TEX15: variants seen among roughly 807,000 people sequenced by gnomAD.
TEX15 encodes testis expressed 15, meiosis and synapsis associated, also known as testis-expressed protein 15.
A neutral mutation model predicts 237.3 loss-of-function variants in TEX15; 171 were observed. The observed-to-expected ratio is 0.72, with a 90% CI of 0.64 to 0.82. The LOEUF is 0.82. Among genes scored for constraint, TEX15 ranks in the 40% least tolerant of loss-of-function variants. TEX15 has a pLI of 0.00. For synonymous variants in TEX15, 1,338 were observed against 1,269.8 expected (o/e 1.05, Z -1.14); for missense variants, 3,750 against 3,646.5 (o/e 1.03, Z -0.73).
At chr8:30,900,488 C>T (rs1432947033) in intron 1 of TEX15, among the ~76,000 whole-genome samples, 2 of 152,170 alleles carry the variant, frequency 1.3e-5, no homozygotes, top group African/African-American at 4.8e-5. Flanking sequence ...TGACTGATGA[C>T]ATTTCTATGT....
intron 1 of TEX15, among the ~76,000 whole-genome samples, chr8:30,907,020 G>T (rs1466072018): frequency 2.6e-5 from 4 of 152,092 alleles, no homozygotes; most frequent in Non-Finnish European, 5.9e-5. Context: ...CCATACAGAT[G>T]TAAAGGTTGT....
In TEX15 at chr8:30,844,832, G is replaced by T. The variant is rs1310207861; in HGVS notation, c.5335C>A (p.His1779Asn). The T allele has an allele frequency of 6.2e-7, 1 of 1,613,470 alleles. No individual in the cohort carries two copies. The highest frequency in any genetic ancestry group is 1.7e-5 in the Admixed American group (1 of 59,992). The change falls in exon 8 of 11, where the codon CAT becomes AAT. Residue 1779 changes from histidine to asparagine, a missense_variant. His to Asn is a moderately conservative substitution (Grantham distance 68). Coordinates refer to ENST00000643185, the MANE Select transcript of TEX15 (RefSeq NM_001350162.2). ...ACATTTGTTTCATTCCCATCTGTAT[G>T]GAGGCAATTACCTGAAGAGCACTGT... ...TEQCSSGNCL[H>N]TDGNETNVTE...
intron 9 of TEX15, among the ~76,000 whole-genome samples, chr8:30,839,068 G>A (rs1021507860): frequency 1.3e-5 from 2 of 151,862 alleles, no homozygotes; most frequent in Non-Finnish European, 2.9e-5. Flanking sequence ...CGCCCGCCTT[G>A]GCCTCCCAAA....
Position 30,846,920 on chromosome 8 carries a change from T to C in TEX15, c.3247A>G (p.Asn1083Asp), listed in dbSNP as rs773204456. The change falls in exon 8 of 11, where the codon AAC becomes GAC. Residue 1083 changes from asparagine (N) to aspartate (D), a missense_variant. Physicochemically the swap from Asn to Asp is conservative, Grantham distance 23. Transcript: ENST00000643185. Reference protein sequence around the residue: ...IFQQDTHSHENMLCEEFVTSY... With the variant: ...IFQQDTHSHEDMLCEEFVTSY... Reference sequence around the variant, plus strand: ...GTCACAAATTCTTCACAAAGCATGTTTTCATGGCTATGTGTATCTTGTTGA... The same window carrying C: ...GTCACAAATTCTTCACAAAGCATGTCTTCATGGCTATGTGTATCTTGTTGA... 1 of 1,613,746 alleles carries C rather than the reference T, an allele frequency of 6.2e-7. No individual in the cohort carries two copies. The highest frequency in any genetic ancestry group is 1.1e-5 in the South Asian group (1 of 91,054).
chr8:30,910,514 G>T (rs568408826), intron 1 of TEX15, among the ~76,000 whole-genome samples: 33 of 151,838 alleles, frequency 2.2e-4, no homozygotes, highest in Non-Finnish European at 3.8e-4. Context: ...ATGTGATCAC[G>T]GTTTCCTGCA....
intron 1 of TEX15, among the ~76,000 whole-genome samples, chr8:30,906,876 T>C (rs182335696): frequency 1.2e-4 from 18 of 152,268 alleles, no homozygotes; most frequent in Admixed American, 3.3e-4. Context: ...TAGCATGGGC[T>C]TGAAAGACAC....
intron 10 of TEX15, among the ~76,000 whole-genome samples, chr8:30,836,555 G>C (rs1054051367): frequency 1.3e-5 from 2 of 152,002 alleles, no homozygotes; most frequent in African/African-American, 4.8e-5. Flanking sequence ...ATTCCCTACT[G>C]TTGGGTTTTA....
At position 30,907,712 on chromosome 8, in the gene TEX15, G is replaced by T. The variant is rs1409905937; in HGVS notation, c.-86+5167C>A. ...TTATATATAAAATACATATAAATTA[G>T]ATATAAAATTTATATATAAATTAGA... is the stretch of plus-strand genomic sequence containing the variant. On this transcript the variant is annotated intron_variant, in intron 1 of 10. Transcript: ENST00000643185. Among the ~76,000 whole-genome samples the T allele has an allele frequency of 1.5e-4, 17 of 113,058 alleles. No homozygotes were observed. In the South Asian group the frequency reaches 1.7e-3, roughly 11 times the overall value. The allele number at this position is 113,058 out of a possible 152,430, so 74.2% of individuals were successfully genotyped here. A position where few individuals can be genotyped will look rare whatever the true frequency, so the allele number is the denominator to read the frequency against.
At chr8:30,838,209 T>G (rs1807356091) in intron 9 of TEX15, 148 bp from the exon 10 acceptor site, 3 of 661,014 alleles carry the variant, frequency 4.5e-6, no homozygotes, top group Non-Finnish European at 4.6e-6. Flanking sequence ...CAAGTTAACA[T>G]TTTCCTAGTT....
At chr8:30,884,591 A>C (rs1808606060) in intron 3 of TEX15, among the ~76,000 whole-genome samples, 1 of 152,180 alleles carries the variant, frequency 6.6e-6, no homozygotes, top group Non-Finnish European at 1.5e-5. Context: ...GAATTGGTAC[A>C]TTTCATCTAG....
In TEX15 at chr8:30,867,369, G is replaced by T; in HGVS notation, c.436C>A (p.Leu146Ile). The T allele has an allele frequency of 6.5e-7, 1 of 1,529,928 alleles. No individual in the cohort carries two copies. Among genetic ancestry groups the T allele is most frequent in the Non-Finnish European group, 8.8e-7 (1 of 1,141,610 alleles). The allele number at this position is 1,529,928 out of a possible 1,614,324, so 94.8% of individuals were successfully genotyped here. A position where few individuals can be genotyped will look rare whatever the true frequency, so the allele number is the denominator to read the frequency against. Reference protein sequence around the residue: ...ISTRASTLKILGNPLLGIYMF... With the variant: ...ISTRASTLKIIGNPLLGIYMF... Reference sequence around the variant, plus strand: ...TAAATTCCAAGAAGAGGATTTCCTAGTATCTTCAATGTAGATGCTCTGGTA... The same window carrying T: ...TAAATTCCAAGAAGAGGATTTCCTATTATCTTCAATGTAGATGCTCTGGTA... The change falls in exon 5 of 11, where the codon CTA becomes ATA. Residue 146 changes from leucine to isoleucine, a missense_variant. Transcript: ENST00000643185.
intron 10 of TEX15, among the ~76,000 whole-genome samples, 163 bp from the exon 11 acceptor site, chr8:30,833,486 A>T (rs1315481051): frequency 1.3e-5 from 2 of 152,232 alleles, no homozygotes; most frequent in East Asian, 3.8e-4. Context: ...AAGTTAATTT[A>T]AGGCTCTCTG....
Position 30,843,495 on chromosome 8 carries a change from G to A in TEX15, c.6672C>T (p.Asp2224=). The change falls in exon 8 of 11, where the codon GAC becomes GAT. Residue 2224 remains aspartate (D), a synonymous_variant. Transcript: ENST00000643185. Reference sequence around the variant, plus strand: ...CTGGATACGAATGAACTTTAGGAGAGTCCCCACATACATTGATCAACTTTA... The same window carrying A: ...CTGGATACGAATGAACTTTAGGAGAATCCCCACATACATTGATCAACTTTA... ...STLKLINVCG[D]SPKVHSYPGK... is the part of the protein sequence containing the mutation. The A allele has an allele frequency of 6.2e-7, 1 of 1,612,972 alleles. No individual in the cohort carries two copies. The highest frequency in any genetic ancestry group is 8.5e-7 in the Non-Finnish European group (1 of 1,179,624).
At position 30,836,959 on chromosome 8, in the gene TEX15, A is replaced by G. The variant is rs1380011352; in HGVS notation, c.9325T>C (p.Phe3109Leu). ...TGAAAATACCCATTCACTGGCACAAAGCCATTTGCTTGTGGCTCCCCCGCA... is the reference window on the plus strand; with the variant it reads ...TGAAAATACCCATTCACTGGCACAAGGCCATTTGCTTGTGGCTCCCCCGCA... ...YFAGEPQANG[F>L]VPVNGYFQSQ... Residue 3109 changes from phenylalanine to leucine, a missense_variant, in exon 10 of 11, where the codon TTT becomes CTT. By Grantham distance (22) the Phe-to-Leu change is conservative (BLOSUM62 0). Transcript: ENST00000643185. The G allele has an allele frequency of 6.2e-7, 1 of 1,614,178 alleles. No homozygotes were observed. The highest frequency in any genetic ancestry group is 1.1e-5 in the South Asian group (1 of 91,080).
chr8:30,853,478 A>G (rs1230694293), intron 7 of TEX15, among the ~76,000 whole-genome samples: 1 of 152,206 alleles, frequency 6.6e-6, no homozygotes, highest in Non-Finnish European at 1.5e-5. Context: ...TAACAATATA[A>G]CAATAAAAAA....
chr8:30,837,779 TTTC>T lies in TEX15; in HGVS notation c.8502_8504del (p.Lys2835del), dbSNP rs1356930250. On this transcript the variant is annotated inframe_deletion, in exon 10 of 11. Coordinates refer to ENST00000643185, the MANE Select transcript of TEX15 (RefSeq NM_001350162.2). ...CACAAATTGCAAAAGCAGCACAATC[TTTC>T]TTATCACTTTTTGTTTCAGCAGCAC... 2 of 1,614,078 alleles carry T rather than the reference TTTC, an allele frequency of 1.2e-6. No homozygotes were observed. The highest frequency in any genetic ancestry group is 8.5e-7 in the Non-Finnish European group (1 of 1,180,038).
chr8:30,843,342 T>C lies in TEX15; in HGVS notation c.6825A>G (p.Ala2275=). Residue 2275 remains alanine, a synonymous_variant, in exon 8 of 11, where the codon GCA becomes GCG. Transcript: ENST00000643185. ...YGLEHIFFDA[A]KNLVWKERTQ... is the part of the protein sequence containing the mutation. ...TTCTCTCTTTCCAAACAAGATTTTT[T>C]GCAGCATCAAAAAAGATATGTTCCA... 1 of 1,611,450 alleles carries C rather than the reference T, an allele frequency of 6.2e-7. No homozygotes were observed. The highest frequency in any genetic ancestry group is 8.5e-7 in the Non-Finnish European group (1 of 1,179,336).
chr8:30,871,168 T>A (rs948947127), intron 4 of TEX15, among the ~76,000 whole-genome samples: 3 of 152,044 alleles, frequency 2.0e-5, no homozygotes, highest in South Asian at 2.1e-4. Context: ...CCTCAGATAA[T>A]CACTCATCTC....
rs562970704 is a variant in TEX15, at chr8:30,843,566, A to G, written c.6601T>C (p.Phe2201Leu). 1.4e-5 allele frequency: 22 copies of G among 1,613,214 alleles called. 1 individual carries two copies. In the South Asian group the frequency reaches 2.4e-4, roughly 18 times the overall value. Reference protein sequence around the residue: ...LSVPFTCGVNFGDSLEDLEIL... With the variant: ...LSVPFTCGVNLGDSLEDLEIL... ...TCCAGGTCTTCTAAACTATCTCCAA[A>G]GTTAACTCCACAGGTAAATGGAACA... The change falls in exon 8 of 11, where the codon TTT becomes CTT. Residue 2201 changes from phenylalanine (F) to leucine (L), a missense_variant. By Grantham distance (22) the Phe-to-Leu change is conservative (BLOSUM62 0). Transcript: ENST00000643185.
Sources: gnomAD v4.1 joint callset for allele counts (sites outside exome capture counted in the v4.1 genomes callset) on GRCh38, gnomAD v4.1.1 for gene constraint, MANE v1.5 for transcripts, NCBI Gene and HGNC (gene_info 2026-07-23, HGNC 2026-07-21) for gene names.